The following FBXO43 variants were observed in gnomAD, a reference collection of about 807,000 sequenced individuals.
The protein encoded by FBXO43 is F-box only protein 43.
In FBXO43, 22 loss-of-function variants were observed where a neutral mutation model predicts 56.7. The ratio of observed to expected loss-of-function variants is 0.39; its 90% CI spans 0.28 to 0.55. The LOEUF (loss-of-function observed/expected upper bound fraction) is 0.55, where lower values mean the gene tolerates loss of function less well. Ranked by LOEUF, FBXO43 falls within the 20% of genes least tolerant of loss-of-function variation. The pLI, the probability that FBXO43 is intolerant of heterozygous loss-of-function variation, is 0.66. For missense variants in FBXO43, 733 were observed against 814.9 expected (o/e 0.90, Z 1.22); for synonymous variants, 306 against 294.5 (o/e 1.04, Z -0.40).
Position 100,141,655 on chromosome 8 carries a change from G to T in FBXO43, c.599C>A (p.Ala200Glu). 1 of 1,612,934 alleles carries T rather than the reference G, an allele frequency of 6.2e-7. No individual in the cohort carries two copies. Among genetic ancestry groups the T allele is most frequent in the South Asian group, 1.1e-5 (1 of 91,004 alleles). ...AGTAACTAAAGGGCTAAAATTATTT[G>T]CCCTGGAAAAACCTGAAGCACTGCT... ...IPSSASGFSR[A>E]NNFSPLVTST... Residue 200 changes from alanine to glutamate, a missense_variant, in exon 2 of 5, where the codon GCA (alanine) becomes GAA (glutamate). Ala to Glu is a moderately radical substitution (Grantham distance 107). Coordinates refer to ENST00000428847, the MANE Select transcript of FBXO43 (RefSeq NM_001029860.4).
Position 100,133,766 on chromosome 8 carries a change from A to G in FBXO43, c.*36T>C, listed in dbSNP as rs762234963. 11 of 1,565,934 alleles carry G rather than the reference A, an allele frequency of 7.0e-6. No individual in the cohort carries two copies. In the South Asian group the frequency reaches 1.3e-4, roughly 19 times the overall value. ...ATTCATAATTTTAAGTCAGATAAATAGAACACTGCATGGGGGAGTTCTATA... is the reference window on the plus strand; with the variant it reads ...ATTCATAATTTTAAGTCAGATAAATGGAACACTGCATGGGGGAGTTCTATA... On this transcript the variant is annotated 3_prime_UTR_variant, in exon 5 of 5. Transcript: ENST00000428847.
Position 100,145,460 on chromosome 8 carries a change from G to T in FBXO43, c.-325C>A. Reference sequence around the variant, plus strand: ...GGCGGGTGGGTAACGGTCTCACCAGGGCGTCAAAGATCCGCTAGGCCCAGA... The same window carrying T: ...GGCGGGTGGGTAACGGTCTCACCAGTGCGTCAAAGATCCGCTAGGCCCAGA... On this transcript the variant is annotated 5_prime_UTR_variant, in exon 1 of 5. Transcript: ENST00000428847. 1 of 208,566 alleles carries T rather than the reference G, an allele frequency of 4.8e-6. No individual in the cohort carries two copies. The allele number at this position is 208,566 out of a possible 1,614,324, so 12.9% of individuals were successfully genotyped here. A position where few individuals can be genotyped will look rare whatever the true frequency, so the allele number is the denominator to read the frequency against.
At chr8:100,145,982 G>A (rs934076737), upstream of FBXO43, among the ~76,000 whole-genome samples, 2 of 152,202 alleles carry the variant, frequency 1.3e-5, no homozygotes, top group African/African-American at 4.8e-5. Flanking sequence ...CACCCGTCCC[G>A]AGGCGGGTCA....
chr8:100,134,593 C>A (rs1376100741), intron 3 of FBXO43, among the ~76,000 whole-genome samples: 1 of 151,826 alleles, frequency 6.6e-6, no homozygotes, highest in African/African-American at 2.4e-5. Context: ...AAATTAAATT[C>A]TTCATCTAAG....
chr8:100,146,998 C>T (rs576801642), upstream of FBXO43, among the ~76,000 whole-genome samples: 9 of 152,342 alleles, frequency 5.9e-5, no homozygotes, highest in African/African-American at 1.7e-4. Flanking sequence ...CAGGCACCCG[C>T]CACCACGCCT....
Position 100,141,983 on chromosome 8 carries a change from T to C in FBXO43, c.271A>G (p.Lys91Glu). 6.2e-7 allele frequency: 1 copy of C among 1,610,200 alleles called. No homozygotes were observed. Among genetic ancestry groups the C allele is most frequent in the East Asian group, 2.2e-5 (1 of 44,862 alleles). The change falls in exon 2 of 5, where the codon AAA becomes GAA. Residue 91 changes from lysine (K) to glutamate (E), a missense_variant. By Grantham distance (56) the Lys-to-Glu change is moderately conservative. Coordinates refer to ENST00000428847, the MANE Select transcript of FBXO43 (RefSeq NM_001029860.4). ...LKSCSFDNID[K>E]EYLGKKEKGP... is the part of the protein sequence containing the mutation. ...TTTTCTTTCTTTCCAAGATATTCTT[T>C]ATCTATATTATCAAAGCTACAAGAT...
chr8:100,144,154 C>T (rs1247741163), intron 1 of FBXO43, among the ~76,000 whole-genome samples: 6 of 152,216 alleles, frequency 3.9e-5, no homozygotes, highest in Non-Finnish European at 7.3e-5. Context: ...ATTTGGGAAA[C>T]TCAGAGGCAA....
At chr8:100,144,984 A>C in intron 1 of FBXO43, 67 bp downstream of exon 1, 1 of 1,496,660 alleles carries the variant, frequency 6.7e-7, no homozygotes, top group Non-Finnish European at 8.9e-7. Context: ...AGCACCTACC[A>C]CATCAGAGAA....
intron 3 of FBXO43, among the ~76,000 whole-genome samples, chr8:100,136,532 T>C (rs1361646988): frequency 5.9e-5 from 9 of 152,218 alleles, no homozygotes; most frequent in Admixed American, 5.9e-4. Flanking sequence ...ATCCATCAGC[T>C]TCTATAGGAC....
In FBXO43 at chr8:100,141,660, G is replaced by A. The variant is rs1478506970; in HGVS notation, c.594C>T (p.Ser198=). The part of the protein sequence containing the change: ...KNIPSSASGF[S]RANNFSPLVT... ...CTAAAGGGCTAAAATTATTTGCCCT[G>A]GAAAAACCTGAAGCACTGCTTGGAA... Residue 198 remains serine, a synonymous_variant, in exon 2 of 5, where the codon TCC becomes TCT. Coordinates refer to ENST00000428847, the MANE Select transcript of FBXO43 (RefSeq NM_001029860.4). 22 of 1,612,874 alleles carry A rather than the reference G, an allele frequency of 1.4e-5. No individual in the cohort carries two copies. The highest frequency in any genetic ancestry group is 3.3e-5 in the Admixed American group (2 of 59,992).
At chr8:100,144,793 G>A (rs1439381341) in intron 1 of FBXO43, among the ~76,000 whole-genome samples, 1 of 151,674 alleles carries the variant, frequency 6.6e-6, no homozygotes, top group African/African-American at 2.4e-5. Flanking sequence ...TTATCCGGGC[G>A]TGGTGGCGGG....
Position 100,141,177 on chromosome 8 carries a change from CAGT to C in FBXO43, c.1074_1076del (p.Leu359del), listed in dbSNP as rs771058039. 1 of 1,614,150 alleles carries C rather than the reference CAGT, an allele frequency of 6.2e-7. No homozygotes were observed. The highest frequency in any genetic ancestry group is 8.5e-7 in the Non-Finnish European group (1 of 1,180,034). On this transcript the variant is annotated inframe_deletion, in exon 2 of 5. Coordinates refer to ENST00000428847, the MANE Select transcript of FBXO43 (RefSeq NM_001029860.4). Reference sequence around the variant, plus strand: ...CTTTGGGAGTCCCCTTATGTTTCTGCAGTAGTTCTTGAAAAGAACCCTCCTGGT... The same window carrying C: ...CTTTGGGAGTCCCCTTATGTTTCTGCAGTTCTTGAAAAGAACCCTCCTGGT...
chr8:100,137,249 A>G (rs943473561), intron 3 of FBXO43: 4 of 174,438 alleles, frequency 2.3e-5, no homozygotes, highest in African/African-American at 9.6e-5. Flanking sequence ...TTTAGTAGAG[A>G]CAGGGTTTCA....
intron 3 of FBXO43, among the ~76,000 whole-genome samples, chr8:100,135,203 T>C (rs1198177881): frequency 6.6e-6 from 1 of 152,102 alleles, no homozygotes; most frequent in Non-Finnish European, 1.5e-5. Context: ...CATTCCCAAA[T>C]GGTGGTGTAA....
At chr8:100,142,243 T>TACTCA in intron 1 of FBXO43, 75 bp from the exon 2 acceptor site, 1 of 1,321,930 alleles carries the variant, frequency 7.6e-7, no homozygotes, top group Non-Finnish European at 1.0e-6. Context: ...ACATTATTTG[T>TACTCA]TATGAGTACA....
At chr8:100,136,010 A>G (rs1404904326) in intron 3 of FBXO43, among the ~76,000 whole-genome samples, 1 of 151,474 alleles carries the variant, frequency 6.6e-6, no homozygotes, top group Non-Finnish European at 1.5e-5. Context: ...CTTCTTCCTT[A>G]GAGGAGTTAA....
At chr8:100,135,198 C>T (rs1814433247) in intron 3 of FBXO43, among the ~76,000 whole-genome samples, 2 of 151,976 alleles carry the variant, frequency 1.3e-5, no homozygotes, top group South Asian at 4.2e-4. Context: ...TGATTCATTC[C>T]CAAATGGTGG....
chr8:100,138,545 C>A (rs1303349169), intron 2 of FBXO43, among the ~76,000 whole-genome samples: 3 of 152,202 alleles, frequency 2.0e-5, no homozygotes, highest in South Asian at 2.1e-4. Context: ...GACATTGCAA[C>A]TGATCAACTC....
At chr8:100,134,435 C>T (rs1052196505) in intron 3 of FBXO43, 71 bp from the exon 4 acceptor site, 145 of 1,297,946 alleles carry the variant, frequency 1.1e-4, no homozygotes, top group South Asian at 3.3e-4. Flanking sequence ...CTGATGCACA[C>T]GGATTTATAT....
Sources: allele counts gnomAD v4.1 joint callset (sites outside exome capture counted in the v4.1 genomes callset), GRCh38; gene constraint gnomAD v4.1.1; transcripts MANE v1.5; gene names NCBI Gene and HGNC (gene_info 2026-07-23, HGNC 2026-07-21).